PROSER1: variants seen among roughly 807,000 people sequenced by gnomAD.
The protein encoded by PROSER1 is proline and serine-rich protein 1.
A neutral mutation model predicts 71.8 loss-of-function variants in PROSER1; 36 were observed. The ratio of observed to expected loss-of-function variants is 0.50; its 90% CI spans 0.38 to 0.66. The LOEUF is 0.66. Ranked by LOEUF, PROSER1 falls within the 30% of genes least tolerant of loss-of-function variation. The pLI, the probability that PROSER1 is intolerant of heterozygous loss-of-function variation, is 0.00. For synonymous variants in PROSER1, 490 were observed against 452.4 expected (o/e 1.08, Z -1.06); for missense variants, 1,107 against 1,135.0 (o/e 0.98, Z 0.35).
intron 1 of PROSER1, among the ~76,000 whole-genome samples, chr13:39,036,462 C>T (rs1871109679): frequency 6.6e-6 from 1 of 152,068 alleles, no homozygotes; most frequent in Admixed American, 6.5e-5. Flanking sequence ...AAGGAAAGCA[C>T]CGTGTGTTGA....
chr13:39,013,101 CG>C lies in PROSER1; in HGVS notation c.2150del (p.Pro717ArgfsTer9). On this transcript the variant is annotated frameshift_variant, in exon 11 of 13. Coordinates refer to ENST00000352251, the MANE Select transcript of PROSER1 (RefSeq NM_025138.5). LOFTEE classifies it high-confidence loss of function. ...TTAATGACCCTGGGAGAGATACTGA[CG>C]GATTAAGAGATGGGTTGCCAGTTAA... Reference protein sequence around the residue: ...FPLTGNPSLNPSVSLPGSLIA... With the variant: ...FPLTGNPSLNXSVSLPGSLIA... 6.2e-7 allele frequency: 1 copy of C among 1,613,872 alleles called. No individual in the cohort carries two copies. The highest frequency in any genetic ancestry group is 1.3e-5 in the African/African-American group (1 of 74,928).
chr13:39,028,384 C>T (rs1870649481), intron 4 of PROSER1, 64 bp from the exon 5 acceptor site: 26 of 856,602 alleles, frequency 3.0e-5, no homozygotes, highest in Admixed American at 1.4e-4. Flanking sequence ...GGTAAGCAAC[C>T]TTTGTTTACC....
intron 9 of PROSER1, among the ~76,000 whole-genome samples, chr13:39,020,805 C>A (rs1319651534): frequency 6.6e-6 from 1 of 152,102 alleles, no homozygotes; most frequent in Non-Finnish European, 1.5e-5. Flanking sequence ...GGAAACCATT[C>A]ATTGTTCATA....
intron 6 of PROSER1, among the ~76,000 whole-genome samples, chr13:39,025,142 C>T (rs952713403): frequency 2.6e-5 from 4 of 151,912 alleles, no homozygotes; most frequent in Admixed American, 2.0e-4. Context: ...AATAAGAGTA[C>T]CTATGTTACA....
chr13:39,029,267 A>AAT lies in PROSER1; in HGVS notation c.275+13_275+14insAT. 7.2e-6 allele frequency: 10 copies of AAT among 1,394,896 alleles called. No individual in the cohort carries two copies. The highest frequency in any genetic ancestry group is 9.7e-6 in the Non-Finnish European group (10 of 1,032,536). 86.4% of individuals were successfully genotyped at this position (1,394,896 alleles called of 1,614,324 possible). A position where few individuals can be genotyped will look rare whatever the true frequency, so the allele number is the denominator to read the frequency against. Reference sequence around the variant, plus strand: ...CCAAGTAAAAAAAAAAAAAAAAAAAAAAGAAATACTTACGAGGCTAACAGT... The same window carrying AAT: ...CCAAGTAAAAAAAAAAAAAAAAAAAAATAAGAAATACTTACGAGGCTAACAGT... On this transcript the variant is annotated intron_variant, in intron 4 of 12. Coordinates refer to ENST00000352251, the MANE Select transcript of PROSER1 (RefSeq NM_025138.5).
At chr13:39,024,797 C>CA in intron 6 of PROSER1, among the ~76,000 whole-genome samples, 1 of 152,178 alleles carries the variant, frequency 6.6e-6, no homozygotes, top group East Asian at 1.9e-4. Context: ...ATGAAAAACA[C>CA]AGAGAGGATG....
Position 39,028,244 on chromosome 13 carries a change from T to C in PROSER1, c.352A>G (p.Lys118Glu). 1 of 1,580,180 alleles carries C rather than the reference T, an allele frequency of 6.3e-7. No homozygotes were observed. Among genetic ancestry groups the C allele is most frequent in the Non-Finnish European group, 8.7e-7 (1 of 1,150,088 alleles). ...AAAACTACCTGTTCAAGTATTCTCT[T>C]GCACCGTTTCTTCTCAGACATATTT... ...RVNMSEKKRC[K>E]RILEQAFKGG... Residue 118 changes from lysine (K) to glutamate (E), a missense_variant, in exon 5 of 13, where the codon AAG becomes GAG. Transcript: ENST00000352251.
rs773021456 is a variant in PROSER1, at chr13:39,012,900, T to G, written c.2352A>C (p.Ser784=). Residue 784 remains serine, a synonymous_variant, in exon 11 of 13, where the codon TCA becomes TCC. Coordinates refer to ENST00000352251, the MANE Select transcript of PROSER1 (RefSeq NM_025138.5). ...FSVTQGPLSS[S]NPSYPGFSVS... is the part of the protein sequence containing the mutation. ...CAGAAAAGCCTGGATAGGAGGGATT[T>G]GAAGATGACAGAGGTCCTTGAGTAA... 19 of 1,613,972 alleles carry G rather than the reference T, an allele frequency of 1.2e-5. No homozygotes were observed. Among genetic ancestry groups the G allele is most frequent in the Non-Finnish European group, 1.6e-5 (19 of 1,180,028 alleles).
intron 12 of PROSER1, 89 bp downstream of exon 12, chr13:39,011,994 G>A: frequency 7.5e-7 from 1 of 1,325,842 alleles, no homozygotes; most frequent in Non-Finnish European, 1.0e-6. Flanking sequence ...TGCCAATGTT[G>A]GGATATCGCA....
chr13:39,018,801 G>A (rs534917837), intron 9 of PROSER1, among the ~76,000 whole-genome samples: 7 of 152,046 alleles, frequency 4.6e-5, no homozygotes, highest in African/African-American at 1.2e-4. Context: ...AAAGAATAAC[G>A]AAAACAAAAT....
At position 39,023,075 on chromosome 13, in the gene PROSER1, C is replaced by CGGCATGGAGGTATCGGATAAGGAACA; in HGVS notation, c.594_619dup (p.Arg207LeufsTer28). On this transcript the variant is annotated frameshift_variant, in exon 8 of 13. Transcript: ENST00000352251. LOFTEE classifies it high-confidence loss of function. The stretch of plus-strand genomic sequence containing the variant: ...ACTTGGTGCAATAGTTGCATGTGGT[C>CGGCATGGAGGTATCGGATAAGGAACA]GGCATGGAGGTATCGGATAAGGAAC... 6.2e-7 allele frequency: 1 copy of CGGCATGGAGGTATCGGATAAGGAACA among 1,612,558 alleles called. No individual in the cohort carries two copies.
At chr13:39,017,828 TAC>T in intron 9 of PROSER1, 1 of 290,900 alleles carries the variant, frequency 3.4e-6, no homozygotes, top group Non-Finnish European at 6.3e-6. Context: ...AAGTTTTAAA[TAC>T]ACACTGTTAA....
At chr13:39,037,075 A>G in intron 1 of PROSER1, 123 bp downstream of exon 1, 1 of 717,658 alleles carries the variant, frequency 1.4e-6, no homozygotes, top group South Asian at 1.6e-5. Context: ...TACACGTGAA[A>G]ATTCAAACCA....
At chr13:39,022,850 C>A in intron 8 of PROSER1, 3 of 463,414 alleles carry the variant, frequency 6.5e-6, no homozygotes, top group South Asian at 4.6e-5. Flanking sequence ...ATTAATTTAT[C>A]ATAAAGAAAA....
chr13:39,029,097 A>G (rs956629603), intron 4 of PROSER1, 184 bp downstream of exon 4: 9 of 398,220 alleles, frequency 2.3e-5, no homozygotes, highest in African/African-American at 8.3e-5. Context: ...CCTTCATTTT[A>G]TAAGTTATAG....
chr13:39,025,627 C>T (rs1040461833), intron 6 of PROSER1, among the ~76,000 whole-genome samples: 4 of 152,270 alleles, frequency 2.6e-5, no homozygotes, highest in South Asian at 2.1e-4. Context: ...AGCATGTAAA[C>T]GAGTCACCTT....
intron 9 of PROSER1, among the ~76,000 whole-genome samples, chr13:39,020,941 G>C (rs1333859967): frequency 6.6e-6 from 1 of 152,118 alleles, no homozygotes; most frequent in Non-Finnish European, 1.5e-5. Flanking sequence ...TCAAATGGTG[G>C]CATTCATTAA....
chr13:39,031,487 G>T, intron 3 of PROSER1, 76 bp downstream of exon 3: 1 of 1,085,064 alleles, frequency 9.2e-7, no homozygotes, highest in Non-Finnish European at 1.4e-6. Context: ...AATTACAACT[G>T]AAATAAATTA....
At chr13:39,016,711 G>A (rs1389437804) in intron 10 of PROSER1, among the ~76,000 whole-genome samples, 1 of 152,122 alleles carries the variant, frequency 6.6e-6, no homozygotes, top group Non-Finnish European at 1.5e-5. Flanking sequence ...CCAGAGGCAG[G>A]ATAAGAAACT....
Sources: allele counts gnomAD v4.1 joint callset (sites outside exome capture counted in the v4.1 genomes callset), GRCh38; gene constraint gnomAD v4.1.1; transcripts MANE v1.5; gene names NCBI Gene and HGNC (gene_info 2026-07-23, HGNC 2026-07-21).